The following HDGFL3 variants were observed in gnomAD, a reference collection of about 807,000 sequenced individuals.
HDGFL3 encodes the protein HDGF like 3, also known as hepatoma-derived growth factor-related protein 3.
A neutral mutation model predicts 27.6 loss-of-function variants in HDGFL3; 6 were observed. The observed-to-expected ratio is 0.22, with a 90% CI of 0.12 to 0.43. HDGFL3 has a LOEUF of 0.43. HDGFL3 is among the 20% of genes least tolerant of loss of function. HDGFL3 has a pLI of 1.00. For missense variants in HDGFL3, 207 were observed against 250.1 expected (o/e 0.83, Z 1.16); for synonymous variants, 88 against 88.9 (o/e 0.99, Z 0.05).
Position 83,151,366 on chromosome 15 carries a change from A to G in HDGFL3, c.460-5T>C. The G allele has an allele frequency of 6.3e-7, 1 of 1,598,966 alleles. No homozygotes were observed. The highest frequency in any genetic ancestry group is 1.1e-5 in the South Asian group (1 of 87,758). ...CCGGGACTGTTTAGAGGATTTCTAA[A>G]TGTTTAGACAAGTTAAATATTATAG... is the stretch of plus-strand genomic sequence containing the variant. On this transcript the variant is annotated splice_polypyrimidine_tract_variant and splice_region_variant and intron_variant, in intron 4 of 5. Coordinates refer to ENST00000299633, the MANE Select transcript of HDGFL3 (RefSeq NM_016073.4).
intron 2 of HDGFL3, among the ~76,000 whole-genome samples, chr15:83,158,851 CT>C (rs554737989): frequency 7.9e-5 from 12 of 151,170 alleles, no homozygotes; most frequent in Non-Finnish European, 1.5e-4. Context: ...TTATTTCTTT[CT>C]TTTTTTTTCA....
At chr15:83,164,164 TA>T (rs2037134526) in intron 1 of HDGFL3, 89 bp from the exon 2 acceptor site, 1 of 821,898 alleles carries the variant, frequency 1.2e-6, no homozygotes, top group South Asian at 1.9e-5. Flanking sequence ...AATTTCAAAA[TA>T]AAATCAATCA....
intron 1 of HDGFL3, among the ~76,000 whole-genome samples, chr15:83,193,779 T>A (rs2037540079): frequency 6.6e-6 from 1 of 152,178 alleles, no homozygotes. Context: ...TCCCTTAATT[T>A]CCATGTAATT....
At chr15:83,123,236 G>A (rs1486961563), downstream of HDGFL3, among the ~76,000 whole-genome samples, 2 of 152,112 alleles carry the variant, frequency 1.3e-5, no homozygotes, top group African/African-American at 4.8e-5. Flanking sequence ...GGGTTCCTCT[G>A]TGACACCTAT....
chr15:83,173,812 A>C (rs1042930502), intron 1 of HDGFL3, among the ~76,000 whole-genome samples: 12 of 152,182 alleles, frequency 7.9e-5, no homozygotes, highest in African/African-American at 2.9e-4. Context: ...TAAACCCAAG[A>C]AAAGACTACA....
intron 5 of HDGFL3, among the ~76,000 whole-genome samples, chr15:83,146,808 T>C (rs1039195354): frequency 7.9e-5 from 12 of 152,234 alleles, no homozygotes; most frequent in Non-Finnish European, 7.3e-5. Flanking sequence ...CCCAAGTTCA[T>C]TCATTCTCTT....
At chr15:83,154,854 A>C (rs764455650) in intron 4 of HDGFL3, among the ~76,000 whole-genome samples, 11 of 152,214 alleles carry the variant, frequency 7.2e-5, no homozygotes, top group Non-Finnish European at 1.3e-4. Flanking sequence ...TGATATTAAA[A>C]ATAAAAAGCT....
At chr15:83,168,133 A>C (rs2037196263) in intron 1 of HDGFL3, among the ~76,000 whole-genome samples, 1 of 152,224 alleles carries the variant, frequency 6.6e-6, no homozygotes. Context: ...GTAACATACC[A>C]AAATCTCAGG....
At chr15:83,169,578 G>A (rs1416395014) in intron 1 of HDGFL3, among the ~76,000 whole-genome samples, 1 of 151,966 alleles carries the variant, frequency 6.6e-6, no homozygotes, top group Non-Finnish European at 1.5e-5. Flanking sequence ...GAGGCGGGAG[G>A]GTAACTTGAG....
chr15:83,150,763 T>C (rs1219004971), intron 5 of HDGFL3, among the ~76,000 whole-genome samples: 2 of 152,168 alleles, frequency 1.3e-5, no homozygotes, highest in Non-Finnish European at 2.9e-5. Context: ...ACTTTAAATA[T>C]CAATATTCAA....
chr15:83,199,697 G>T (rs2037615418), intron 1 of HDGFL3, among the ~76,000 whole-genome samples: 1 of 152,040 alleles, frequency 6.6e-6, no homozygotes, highest in South Asian at 2.1e-4. Flanking sequence ...ATGTTAATGT[G>T]GTCCAGTTTA....
At chr15:83,122,803 A>G, downstream of HDGFL3, 4 of 1,614,022 alleles carry the variant, frequency 2.5e-6, no homozygotes, top group Non-Finnish European at 3.4e-6. Flanking sequence ...TAAGCATACC[A>G]TATACTTGTC....
intron 1 of HDGFL3, among the ~76,000 whole-genome samples, chr15:83,182,113 T>A (rs1424032274): frequency 6.6e-6 from 1 of 152,244 alleles, no homozygotes; most frequent in Non-Finnish European, 1.5e-5. Context: ...ATTTCCCTTT[T>A]CTCATAGTCT....
At chr15:83,182,807 AG>A (rs1174902209) in intron 1 of HDGFL3, among the ~76,000 whole-genome samples, 1 of 152,212 alleles carries the variant, frequency 6.6e-6, no homozygotes, top group Non-Finnish European at 1.5e-5. Context: ...TGAAGTATTT[AG>A]GGATGAAGTA....
chr15:83,152,005 C>T (rs2036969717), intron 4 of HDGFL3, among the ~76,000 whole-genome samples: 2 of 152,210 alleles, frequency 1.3e-5, no homozygotes, highest in Admixed American at 6.5e-5. Flanking sequence ...GATGAAAATA[C>T]AATTAGTTTG....
chr15:83,203,647 A>G (rs759012477), intron 1 of HDGFL3, among the ~76,000 whole-genome samples: 1 of 152,182 alleles, frequency 6.6e-6, no homozygotes, highest in Admixed American at 6.5e-5. Context: ...ATCTCACAAG[A>G]AGCAGGCAGA....
chr15:83,197,421 T>C (rs1424482006), intron 1 of HDGFL3, among the ~76,000 whole-genome samples: 1 of 152,230 alleles, frequency 6.6e-6, no homozygotes, highest in Non-Finnish European at 1.5e-5. Flanking sequence ...AATGCCTTCC[T>C]ATCATCAATA....
At chr15:83,164,384 AAAAAAAAAAAG>A (rs1216029355) in intron 1 of HDGFL3, among the ~76,000 whole-genome samples, 9 of 150,470 alleles carry the variant, frequency 6.0e-5, no homozygotes, top group Non-Finnish European at 1.2e-4. Context: ...AAAAAAAAAA[AAAAAAAAAAAG>A]AATACAAAAA....
intron 1 of HDGFL3, among the ~76,000 whole-genome samples, chr15:83,174,696 TTATG>T (rs1197682258): frequency 6.6e-6 from 1 of 152,210 alleles, no homozygotes; most frequent in African/African-American, 2.4e-5. Context: ...ATGTATATGG[TTATG>T]TGATAGGCAC....
Sources: allele counts gnomAD v4.1 joint callset (sites outside exome capture counted in the v4.1 genomes callset), GRCh38; gene constraint gnomAD v4.1.1; transcripts MANE v1.5; gene names NCBI Gene and HGNC (gene_info 2026-07-23, HGNC 2026-07-21).